IMMP1L: variants seen among roughly 807,000 people sequenced by gnomAD.
The protein encoded by IMMP1L is mitochondrial inner membrane protease subunit 1.
IMMP1L carries 24 observed loss-of-function variants against 21.8 expected under a neutral mutation model. The ratio of observed to expected loss-of-function variants is 1.10; its 90% CI spans 0.80 to 1.55. IMMP1L has a LOEUF of 1.55. IMMP1L is among the 40% of genes most tolerant of loss of function. The probability of loss-of-function intolerance (pLI) is 0.00; values close to 1 mark genes in which losing one functional copy is unlikely to be tolerated. For synonymous variants in IMMP1L, 46 were observed against 62.8 expected (o/e 0.73, Z 1.26); for missense variants, 195 against 200.7 (o/e 0.97, Z 0.17).
chr11:31,505,445 G>A (rs893621906), intron 1 of IMMP1L, among the ~76,000 whole-genome samples: 3 of 152,168 alleles, frequency 2.0e-5, no homozygotes, highest in African/African-American at 7.2e-5. Flanking sequence ...AGTAGAAGAA[G>A]CAGTGCCAGA....
At chr11:31,487,109 C>T (rs1023814607) in intron 1 of IMMP1L, among the ~76,000 whole-genome samples, 8 of 151,598 alleles carry the variant, frequency 5.3e-5, no homozygotes, top group Admixed American at 1.3e-4. Context: ...TATATACTTT[C>T]TAAAATAATA....
Position 31,460,726 on chromosome 11 carries a change from G to C in IMMP1L, c.106-12C>G, listed in dbSNP as rs754481017. On this transcript the variant is annotated splice_polypyrimidine_tract_variant and intron_variant, in intron 2 of 5. Transcript: ENST00000532287. Reference sequence around the variant, plus strand: ...GATGGTCCAGAACACTGAAAAGAGAGGTAATTTGTAATCTAAATTCAAAAT... The same window carrying C: ...GATGGTCCAGAACACTGAAAAGAGACGTAATTTGTAATCTAAATTCAAAAT... The C allele has an allele frequency of 2.7e-5, 40 of 1,494,924 alleles. No homozygotes were observed. The Admixed American group carries it at 6.4e-4, about 24-fold the overall frequency. 92.6% of individuals were successfully genotyped at this position (1,494,924 alleles called of 1,614,324 possible). A position where few individuals can be genotyped will look rare whatever the true frequency, so the allele number is the denominator to read the frequency against.
At chr11:31,506,546 C>T (rs890409842) in intron 1 of IMMP1L, among the ~76,000 whole-genome samples, 4 of 151,540 alleles carry the variant, frequency 2.6e-5, no homozygotes, top group African/African-American at 9.7e-5. Context: ...TAACTTTTAA[C>T]TCTTCCTTTC....
At chr11:31,452,753 TTC>T in intron 4 of IMMP1L, 1 of 1,010,932 alleles carries the variant, frequency 9.9e-7, no homozygotes, top group Non-Finnish European at 1.2e-6. Context: ...ATCTTTTTTT[TTC>T]TTTTCTTTTC....
At chr11:31,465,302 A>G (rs1017675406) in intron 1 of IMMP1L, among the ~76,000 whole-genome samples, 1 of 152,128 alleles carries the variant, frequency 6.6e-6, no homozygotes, top group African/African-American at 2.4e-5. Context: ...TGAAGAGGAC[A>G]TAAAAAATAA....
chr11:31,483,994 G>T (rs1205146731), intron 1 of IMMP1L, among the ~76,000 whole-genome samples: 2 of 151,554 alleles, frequency 1.3e-5, no homozygotes, highest in African/African-American at 4.8e-5. Flanking sequence ...AGCTAGGAAA[G>T]ATCATCCAAA....
In IMMP1L at chr11:31,475,676, A is replaced by G. The variant is rs148218685; in HGVS notation, c.-29-12371T>C. On this transcript the variant is annotated intron_variant, in intron 1 of 5. Transcript: ENST00000532287. The stretch of plus-strand genomic sequence containing the variant: ...TCATGAGTTGCCTGTGCTGCAAATT[A>G]GTATCTAGCTTAAGATAAGCCAAAT... 3.9e-5 allele frequency among the ~76,000 whole-genome samples: 6 copies of G among 152,350 alleles called. No homozygotes were observed. In the East Asian group the frequency reaches 1.2e-3, roughly 29 times the overall value.
chr11:31,493,783 C>A (rs1955333846), intron 1 of IMMP1L, among the ~76,000 whole-genome samples: 1 of 152,178 alleles, frequency 6.6e-6, no homozygotes, highest in Non-Finnish European at 1.5e-5. Context: ...TTGGCCAAAA[C>A]AAAGGGGCTG....
chr11:31,435,662 C>A (rs1029413212), intron 4 of IMMP1L, among the ~76,000 whole-genome samples: 1 of 152,114 alleles, frequency 6.6e-6, no homozygotes, highest in African/African-American at 2.4e-5. Flanking sequence ...TCTGTGATAT[C>A]TTTTTGCATG....
At chr11:31,503,713 G>C (rs1234841940) in intron 1 of IMMP1L, among the ~76,000 whole-genome samples, 2 of 152,144 alleles carry the variant, frequency 1.3e-5, no homozygotes, top group African/African-American at 4.8e-5. Flanking sequence ...TTATGTGAAG[G>C]CTCTACAGAT....
intron 3 of IMMP1L, among the ~76,000 whole-genome samples, chr11:31,457,888 A>AGGCAACAC (rs1465542406): frequency 1.3e-5 from 2 of 152,170 alleles, no homozygotes; most frequent in Non-Finnish European, 2.9e-5. Context: ...TATAATTTGG[A>AGGCAACAC]GGCAACACAG....
chr11:31,490,013 T>A (rs1955203241), intron 1 of IMMP1L, among the ~76,000 whole-genome samples: 1 of 152,170 alleles, frequency 6.6e-6, no homozygotes, highest in African/African-American at 2.4e-5. Flanking sequence ...AAATCTAATC[T>A]CACATCTAAT....
At chr11:31,500,436 C>T (rs888878379) in intron 1 of IMMP1L, among the ~76,000 whole-genome samples, 62 of 152,174 alleles carry the variant, frequency 4.1e-4, no homozygotes, top group African/African-American at 1.4e-3. Flanking sequence ...AGAGTTTAAA[C>T]ATAAAATATA....
At chr11:31,506,680 G>T (rs905262650) in intron 1 of IMMP1L, among the ~76,000 whole-genome samples, 1 of 147,992 alleles carries the variant, frequency 6.8e-6, no homozygotes, top group Non-Finnish European at 1.5e-5. Flanking sequence ...AAAAAAAGGC[G>T]GCTGGGCGCG....
chr11:31,456,421 T>C, intron 3 of IMMP1L, 35 bp from the exon 4 acceptor site: 1 of 1,586,112 alleles, frequency 6.3e-7, no homozygotes, highest in South Asian at 1.1e-5. Context: ...GTCTGTATTA[T>C]TTATTAAGCA....
At chr11:31,437,690 C>T (rs1370858849) in intron 4 of IMMP1L, among the ~76,000 whole-genome samples, 1 of 152,108 alleles carries the variant, frequency 6.6e-6, no homozygotes, top group African/African-American at 2.4e-5. Flanking sequence ...TAACCACAAC[C>T]ACAATGATAC....
chr11:31,461,265 C>T (rs942242332), intron 2 of IMMP1L, among the ~76,000 whole-genome samples: 8 of 152,104 alleles, frequency 5.3e-5, no homozygotes, highest in Non-Finnish European at 1.2e-4. Context: ...AAATGTTCTA[C>T]TGAAAAATAC....
intron 1 of IMMP1L, among the ~76,000 whole-genome samples, chr11:31,492,592 G>T (rs1955292787): frequency 6.6e-6 from 1 of 152,116 alleles, no homozygotes; most frequent in Admixed American, 6.5e-5. Flanking sequence ...ATCATTTCTA[G>T]CTTTTGATTT....
chr11:31,497,475 T>G (rs1955486142), intron 1 of IMMP1L, among the ~76,000 whole-genome samples: 1 of 146,220 alleles, frequency 6.8e-6, no homozygotes, highest in East Asian at 2.0e-4. Context: ...TTTTTTTTTT[T>G]TTTTGAGATG....
Sources: gnomAD v4.1 joint callset for allele counts (sites outside exome capture counted in the v4.1 genomes callset) on GRCh38, gnomAD v4.1.1 for gene constraint, MANE v1.5 for transcripts, NCBI Gene and HGNC (gene_info 2026-07-23, HGNC 2026-07-21) for gene names.